PPFIBP2: variants seen among roughly 807,000 people sequenced by gnomAD.
PPFIBP2 encodes the protein PPFIB scaffold protein 2, also known as liprin-beta-2.
In PPFIBP2, 118 loss-of-function variants were observed where a neutral mutation model predicts 118.3. That is an observed-to-expected ratio of 1.00 (90% CI 0.86 to 1.16). PPFIBP2 has a LOEUF of 1.16. PPFIBP2 is among the 50% of genes most tolerant of loss of function. The pLI is 0.00. For synonymous variants in PPFIBP2, 414 were observed against 397.4 expected (o/e 1.04, Z -0.50); for missense variants, 1,195 against 1,073.1 (o/e 1.11, Z -1.59).
chr11:7,538,891 C>G (rs1359175700), intron 1 of PPFIBP2, among the ~76,000 whole-genome samples: 1 of 152,160 alleles, frequency 6.6e-6, no homozygotes, highest in Non-Finnish European at 1.5e-5. Context: ...CTGAGCTTAA[C>G]TGACTAATCA....
chr11:7,647,017 A>G (rs1230497979), intron 17 of PPFIBP2, among the ~76,000 whole-genome samples: 1 of 152,192 alleles, frequency 6.6e-6, no homozygotes, highest in Non-Finnish European at 1.5e-5. Context: ...TTCAGGACCC[A>G]TGAAAGCCCA....
At chr11:7,648,304 T>G (rs559532463) in intron 17 of PPFIBP2, 83 bp from the exon 18 acceptor site, 1 of 1,450,562 alleles carries the variant, frequency 6.9e-7, no homozygotes, top group East Asian at 2.3e-5. Flanking sequence ...TTTCTTTTCT[T>G]TTCTTTTGTT....
chr11:7,553,931 A>G (rs1364832233), intron 2 of PPFIBP2, among the ~76,000 whole-genome samples: 1 of 152,142 alleles, frequency 6.6e-6, no homozygotes, highest in African/African-American at 2.4e-5. Flanking sequence ...GCTCTTGCTC[A>G]CAATCCCTAA....
At chr11:7,542,242 T>C (rs1851865187) in intron 1 of PPFIBP2, among the ~76,000 whole-genome samples, 1 of 152,194 alleles carries the variant, frequency 6.6e-6, no homozygotes, top group South Asian at 2.1e-4. Context: ...CTAACTGGTA[T>C]GGGGATTAAG....
intron 4 of PPFIBP2, chr11:7,597,283 C>G: frequency 6.5e-7 from 1 of 1,535,590 alleles, no homozygotes; most frequent in South Asian, 1.2e-5. Context: ...GAGGCAGCTC[C>G]TGTGGCTGTT....
intron 15 of PPFIBP2, 100 bp from the exon 16 acceptor site, chr11:7,641,379 T>A (rs942059198): frequency 8.9e-6 from 12 of 1,353,528 alleles, no homozygotes; most frequent in Non-Finnish European, 1.2e-5. Context: ...CTGGGCAGAT[T>A]CTCTGGACTC....
At chr11:7,636,887 C>T (rs1176988619) in intron 14 of PPFIBP2, among the ~76,000 whole-genome samples, 5 of 152,190 alleles carry the variant, frequency 3.3e-5, no homozygotes, top group Admixed American at 6.5e-5. Flanking sequence ...GGTGCAGAAC[C>T]GCTCCACAGT....
intron 2 of PPFIBP2, among the ~76,000 whole-genome samples, chr11:7,554,800 A>ACTGGACTGGACTG (rs1564967032): frequency 3.4e-5 from 5 of 145,098 alleles, no homozygotes; most frequent in African/African-American, 1.0e-4. Flanking sequence ...AGACTAGACT[A>ACTGGACTGGACTG]GACTAGACTA....
the PPFIBP2 span, chr11:7,666,506 G>A: frequency 1.9e-6 from 3 of 1,613,536 alleles, no homozygotes; most frequent in African/African-American, 1.3e-5. Context: ...GGTGAGTCCT[G>A]GCAATTTCTT....
chr11:7,642,209 G>C, intron 16 of PPFIBP2, 89 bp from the exon 17 acceptor site: 1 of 1,501,668 alleles, frequency 6.7e-7, no homozygotes, highest in Non-Finnish European at 9.1e-7. Context: ...CCCTGTGCTG[G>C]CCTGCATGGC....
At chr11:7,638,047 C>G (rs1019455750) in intron 14 of PPFIBP2, among the ~76,000 whole-genome samples, 3 of 152,162 alleles carry the variant, frequency 2.0e-5, no homozygotes, top group Non-Finnish European at 2.9e-5. Flanking sequence ...GGAGTCATGC[C>G]CTTCAGGTCT....
intron 3 of PPFIBP2, chr11:7,577,535 G>A: frequency 2.2e-6 from 1 of 456,622 alleles, no homozygotes; most frequent in South Asian, 1.5e-5. Flanking sequence ...CTGGTCTCCA[G>A]CCAGGAAAAG....
At chr11:7,533,276 G>C (rs755529960) in intron 1 of PPFIBP2, among the ~76,000 whole-genome samples, 19 of 152,194 alleles carry the variant, frequency 1.2e-4, no homozygotes, top group African/African-American at 1.4e-4. Context: ...TGTGGAGAAA[G>C]TTCGATGAGA....
intron 3 of PPFIBP2, among the ~76,000 whole-genome samples, chr11:7,590,126 CA>C (rs1483126148): frequency 6.6e-6 from 1 of 152,202 alleles, no homozygotes; most frequent in Non-Finnish European, 1.5e-5. Flanking sequence ...TGAGTATTAG[CA>C]TTCAGCAAGA....
At chr11:7,547,064 C>A (rs539964898) in intron 1 of PPFIBP2, among the ~76,000 whole-genome samples, 1 of 152,298 alleles carries the variant, frequency 6.6e-6, no homozygotes, top group South Asian at 2.1e-4. Flanking sequence ...CAGACAGGGT[C>A]CCTCTGCCTC....
At chr11:7,649,258 T>C in intron 20 of PPFIBP2, 23 bp downstream of exon 20, 1 of 1,593,710 alleles carries the variant, frequency 6.3e-7, no homozygotes, top group Admixed American at 1.7e-5. Context: ...TCTTTAAATA[T>C]TTCAGTTGTC....
At chr11:7,662,552 C>G in the PPFIBP2 span, among the ~76,000 whole-genome samples, 1 of 151,006 alleles carries the variant, frequency 6.6e-6, no homozygotes, top group Admixed American at 6.6e-5. Flanking sequence ...TGAGGGTAAC[C>G]CGACCTTTCT....
chr11:7,649,216 T>A lies in PPFIBP2; in HGVS notation c.1979T>A (p.Met660Lys). ...QFHESRVDRR[M>K]LQYLTVNDLL... Reference sequence around the variant, plus strand: ...CATGAATCTAGAGTTGACAGACGAATGCTGCAATACCTAACTGTGGTGAGG... The same window carrying A: ...CATGAATCTAGAGTTGACAGACGAAAGCTGCAATACCTAACTGTGGTGAGG... The change falls in exon 20 of 24, where the codon ATG becomes AAG. Residue 660 changes from methionine (M) to lysine (K), a missense_variant. Physicochemically the swap from Met to Lys is moderately conservative, Grantham distance 95. Transcript: ENST00000299492. 2 of 1,613,824 alleles carry A rather than the reference T, an allele frequency of 1.2e-6. No homozygotes were observed. The highest frequency in any genetic ancestry group is 1.7e-6 in the Non-Finnish European group (2 of 1,179,678).
At chr11:7,601,945 T>C (rs1162998484) in intron 5 of PPFIBP2, among the ~76,000 whole-genome samples, 1 of 151,544 alleles carries the variant, frequency 6.6e-6, no homozygotes, top group South Asian at 2.1e-4. Context: ...AATACAAAAT[T>C]AGACAGGTGT....
Sources: gnomAD v4.1 joint callset for allele counts (sites outside exome capture counted in the v4.1 genomes callset) on GRCh38, gnomAD v4.1.1 for gene constraint, MANE v1.5 for transcripts, NCBI Gene and HGNC (gene_info 2026-07-23, HGNC 2026-07-21) for gene names.